GGCX: variants seen among roughly 807,000 people sequenced by gnomAD.
The protein encoded by GGCX is gamma-glutamyl carboxylase.
In GGCX, 63 loss-of-function variants were observed where a neutral mutation model predicts 88.5. The observed-to-expected ratio is 0.71, with a 90% confidence interval of 0.58 to 0.88. The LOEUF is 0.88. GGCX is among the 40% of genes least tolerant of loss of function. The pLI, the probability that GGCX is intolerant of heterozygous loss-of-function variation, is 0.00. For synonymous variants in GGCX, 368 were observed against 365.8 expected, an observed-to-expected ratio of 1.01 and a Z score of -0.07; for missense variants, 805 against 932.9, an observed-to-expected ratio of 0.86 and a Z score of 1.79.
chr2:85,552,111 T>C, intron 10 of GGCX, 130 bp from the exon 11 acceptor site: 2 of 779,962 alleles, frequency 2.6e-6, no homozygotes, highest in Non-Finnish European at 4.4e-6. Flanking sequence ...CAGCATGTTA[T>C]TGCCAGTCCA....
chr2:85,560,322 C>T (rs1370137233), intron 2 of GGCX, among the ~76,000 whole-genome samples: 1 of 152,156 alleles, frequency 6.6e-6, no homozygotes, highest in Non-Finnish European at 1.5e-5. Flanking sequence ...TACGGTGGCT[C>T]ACACCTGTAA....
chr2:85,551,987 G>C lies in GGCX; in HGVS notation c.1440-6C>G, dbSNP rs1378907440. On this transcript the variant is annotated splice_region_variant and splice_polypyrimidine_tract_variant and intron_variant, in intron 10 of 14. Transcript: ENST00000233838. ...CCACACGAGGGTCAAAAATCCTTAG[G>C]AAAGAAAACCATGTTCTAAGGACAT... 6.2e-7 allele frequency: 1 copy of C among 1,611,930 alleles called. No individual in the cohort carries two copies. The highest frequency in any genetic ancestry group is 8.5e-7 in the Non-Finnish European group (1 of 1,178,336).
In GGCX at chr2:85,553,012, G is replaced by A. The variant is rs1242455251; in HGVS notation, c.1214C>T (p.Ser405Phe). 7 of 1,613,940 alleles carry A rather than the reference G, an allele frequency of 4.3e-6. No homozygotes were observed. The highest frequency in any genetic ancestry group is 1.1e-5 in the South Asian group (1 of 91,092). The stretch of plus-strand genomic sequence containing the variant: ...GATCTTCACGTGCTGGTGGGAGCGG[G>A]AGTGCACCATCATGTCCCAGGAATA... Reference protein sequence around the residue: ...YGYSWDMMVHSRSHQHVKITY... With the variant: ...YGYSWDMMVHFRSHQHVKITY... Residue 405 changes from serine to phenylalanine, a missense_variant, in exon 9 of 15, where the codon TCC (serine) becomes TTC (phenylalanine). Physicochemically the swap from Ser to Phe is radical, Grantham distance 155. Transcript: ENST00000233838.
intron 7 of GGCX, 136 bp downstream of exon 7, chr2:85,554,007 C>T: frequency 2.6e-6 from 2 of 757,178 alleles, no homozygotes; most frequent in Non-Finnish European, 4.9e-6. Flanking sequence ...CCATTTATGC[C>T]TACTTCATAG....
Position 85,558,921 on chromosome 2 carries a change from A to G in GGCX, c.369T>C (p.Phe123=), listed in dbSNP as rs1227135397. Residue 123 remains phenylalanine (F), a synonymous_variant, in exon 3 of 15, where the codon TTT becomes TTC. Transcript: ENST00000233838. The stretch of plus-strand genomic sequence containing the variant: ...ATTTCCCACAGTTCCCCTCACCCAG[A>G]AACATGATGGTGTAGACAAGATACA... The part of the protein sequence containing the change: ...DWMYLVYTIM[F]LGALGMMLGL... The G allele has an allele frequency of 6.2e-7, 1 of 1,613,692 alleles. No individual in the cohort carries two copies. The highest frequency in any genetic ancestry group is 2.2e-5 in the East Asian group (1 of 44,888).
Position 85,545,744 on chromosome 2 carries a change from G to A in GGCX, c.*4190C>T, listed in dbSNP as rs369547539. 25 of 148,172 alleles carry A rather than the reference G, an allele frequency of 1.7e-4. 1 individual carries two copies. The highest frequency in any genetic ancestry group is 5.6e-4 in the African/African-American group (21 of 37,638). The allele number at this position is 148,172 out of a possible 1,614,324, so 9.2% of individuals were successfully genotyped here. ...CGCTAAAAGTATTAACCTGGAAGTGGTAATGTCTATCTAAAGTCCTGGCAA... is the reference window on the plus strand; with the variant it reads ...CGCTAAAAGTATTAACCTGGAAGTGATAATGTCTATCTAAAGTCCTGGCAA... On this transcript the variant is annotated 3_prime_UTR_variant, in exon 15 of 15. Coordinates refer to ENST00000233838, the MANE Select transcript of GGCX (RefSeq NM_000821.7).
chr2:85,556,215 C>T lies in GGCX; in HGVS notation c.585G>A (p.Val195=). Residue 195 remains valine (V), a synonymous_variant, in exon 5 of 15, where the codon GTG becomes GTA. Coordinates refer to ENST00000233838, the MANE Select transcript of GGCX (RefSeq NM_000821.7). ...LLNAHRRNAH[V]PLWNYAVLRG... is the part of the protein sequence containing the mutation. ...GGAGCACTGCATAGTTCCAAAGGGG[C>T]ACGTGGGCATTCCTCCTATGGGCAT... is the stretch of plus-strand genomic sequence containing the variant. The T allele has an allele frequency of 6.2e-7, 1 of 1,613,030 alleles. No homozygotes were observed. Among genetic ancestry groups the T allele is most frequent in the Non-Finnish European group, 8.5e-7 (1 of 1,179,000 alleles).
At chr2:85,556,354 G>T in intron 4 of GGCX, 94 bp from the exon 5 acceptor site, 1 of 799,246 alleles carries the variant, frequency 1.3e-6, no homozygotes, top group East Asian at 2.6e-5. Flanking sequence ...ATCTATCCTG[G>T]GCACATCTCC....
Position 85,548,338 on chromosome 2 carries a change from TAATAAAG to T in GGCX, c.*1589_*1595del, listed in dbSNP as rs917237316. On this transcript the variant is annotated 3_prime_UTR_variant, in exon 15 of 15. Transcript: ENST00000233838. ...GCTAAGGTACAGAGCTGCCATTCAA[TAATAAAG>T]AATAAGGAAGTCTGAGTTGGGGATG... The T allele has an allele frequency of 1.3e-5, 2 of 152,120 alleles. No individual in the cohort carries two copies. The highest frequency in any genetic ancestry group is 2.4e-5 in the African/African-American group (1 of 41,402). 9.4% of individuals were successfully genotyped at this position (152,120 alleles called of 1,614,324 possible).
In GGCX at chr2:85,554,183, C is replaced by G. The variant is rs149603998; in HGVS notation, c.849G>C (p.Val283=). The change falls in exon 7 of 15, where the codon GTG becomes GTC. Residue 283 remains valine, a synonymous_variant. Coordinates refer to ENST00000233838, the MANE Select transcript of GGCX (RefSeq NM_000821.7). ...GGGAATTCATGCAGTGGAAGTAGGA[C>G]ACAAAGAACAGGCCAATGGATCTTG... ...DVSRSIGLFF[V]SYFHCMNSQL... The G allele has an allele frequency of 1.9e-4, 308 of 1,613,176 alleles. 1 individual carries two copies. Among genetic ancestry groups the G allele is most frequent in the Middle Eastern group, 3.3e-4 (2 of 6,058 alleles).
In GGCX at chr2:85,561,493, T is replaced by C; in HGVS notation, c.-65A>G. 8.0e-7 allele frequency: 1 copy of C among 1,254,470 alleles called. No individual in the cohort carries two copies. Among genetic ancestry groups the C allele is most frequent in the Non-Finnish European group, 1.1e-6 (1 of 879,640 alleles). 77.7% of individuals were successfully genotyped at this position (1,254,470 alleles called of 1,614,324 possible). ...CTGAACGGAGGCCGCCAGGAGAATT[T>C]GCTTCCCTAGGCTCCGCCTCCCGAC... On this transcript the variant is annotated 5_prime_UTR_variant, in exon 1 of 15. Coordinates refer to ENST00000233838, the MANE Select transcript of GGCX (RefSeq NM_000821.7).
chr2:85,549,868 T>C lies in GGCX; in HGVS notation c.*66A>G, dbSNP rs1270592450. 4 of 956,128 alleles carry C rather than the reference T, an allele frequency of 4.2e-6. No individual in the cohort carries two copies. In the East Asian group the frequency reaches 1.2e-4, roughly 29 times the overall value. The allele number at this position is 956,128 out of a possible 1,614,324, so 59.2% of individuals were successfully genotyped here. On this transcript the variant is annotated 3_prime_UTR_variant, in exon 15 of 15. Coordinates refer to ENST00000233838, the MANE Select transcript of GGCX (RefSeq NM_000821.7). ...CTTTTGAGAATTTTTTTCAAATAAATGTCCATTGCATAGAATGGGTCTGTG... is the reference window on the plus strand; with the variant it reads ...CTTTTGAGAATTTTTTTCAAATAAACGTCCATTGCATAGAATGGGTCTGTG...
chr2:85,561,263 C>T (rs1692442754), intron 1 of GGCX, 123 bp downstream of exon 1: 3 of 671,876 alleles, frequency 4.5e-6, no homozygotes. Flanking sequence ...ACAGCACGCC[C>T]CCTTCCCCAC....
intron 6 of GGCX, chr2:85,554,591 A>G (rs1469159422): frequency 4.3e-6 from 2 of 463,296 alleles, no homozygotes; most frequent in East Asian, 4.2e-5. Flanking sequence ...TCAGCCTCCG[A>G]AGTAGCTGGA....
At position 85,550,965 on chromosome 2, in the gene GGCX, T is replaced by G. The variant is rs780909266; in HGVS notation, c.1848A>C (p.Ala616=). ...TTELALEQDL[A]YLQELKEKVE... is the part of the protein sequence containing the mutation. ...CCTTTTCCTTTAATTCTTGCAGATATGCCAGGTCTTGCTCCAGTGCAAGCT... is the reference window on the plus strand; with the variant it reads ...CCTTTTCCTTTAATTCTTGCAGATAGGCCAGGTCTTGCTCCAGTGCAAGCT... The change falls in exon 13 of 15, where the codon GCA becomes GCC. Residue 616 remains alanine, a synonymous_variant. Transcript: ENST00000233838. 2 of 1,614,148 alleles carry G rather than the reference T, an allele frequency of 1.2e-6. No individual in the cohort carries two copies. The highest frequency in any genetic ancestry group is 1.7e-6 in the Non-Finnish European group (2 of 1,179,960).
Position 85,561,487 on chromosome 2 carries a change from A to G in GGCX, c.-59T>C. ...CCGCGTCTGAACGGAGGCCGCCAGG[A>G]GAATTTGCTTCCCTAGGCTCCGCCT... On this transcript the variant is annotated 5_prime_UTR_variant, in exon 1 of 15. Coordinates refer to ENST00000233838, the MANE Select transcript of GGCX (RefSeq NM_000821.7). 2 of 1,307,294 alleles carry G rather than the reference A, an allele frequency of 1.5e-6. No individual in the cohort carries two copies. The highest frequency in any genetic ancestry group is 2.2e-6 in the Non-Finnish European group (2 of 927,362). 81.0% of individuals were successfully genotyped at this position (1,307,294 alleles called of 1,614,324 possible). A position where few individuals can be genotyped will look rare whatever the true frequency, so the allele number is the denominator to read the frequency against.
rs59419074 is a variant in GGCX at position 85,549,826 on chromosome 2, CA to C, written c.*107del. On this transcript the variant is annotated 3_prime_UTR_variant, in exon 15 of 15. Coordinates refer to ENST00000233838, the MANE Select transcript of GGCX (RefSeq NM_000821.7). The stretch of plus-strand genomic sequence containing the variant: ...AAACAGCTTTAGAACCCCGCCCCCC[CA>C]AAAAAAAAAAAAAAACTTTTGAGAA... The C allele has an allele frequency of 0.026, 12,140 of 469,910 alleles. 2 individuals carry two copies. Among genetic ancestry groups the C allele is most frequent in the South Asian group, 0.035 (1,864 of 53,432 alleles). The allele number at this position is 469,910 out of a possible 1,614,324, so 29.1% of individuals were successfully genotyped here. A position where few individuals can be genotyped will look rare whatever the true frequency, so the allele number is the denominator to read the frequency against.
chr2:85,550,505 C>T (rs2103951961), intron 14 of GGCX, 50 bp downstream of exon 14: 3 of 1,400,824 alleles, frequency 2.1e-6, no homozygotes, highest in Non-Finnish European at 3.0e-6. Context: ...GGGAAAGTTA[C>T]CAAGCTTGCC....
At chr2:85,550,436 G>C in intron 14 of GGCX, 119 bp downstream of exon 14, 1 of 774,602 alleles carries the variant, frequency 1.3e-6, no homozygotes, top group Non-Finnish European at 2.3e-6. Context: ...GGCAGGAAAA[G>C]ATACCTAGAG....
Sources: gnomAD v4.1 joint callset for allele counts (sites outside exome capture counted in the v4.1 genomes callset) on GRCh38, gnomAD v4.1.1 for gene constraint, MANE v1.5 for transcripts, NCBI Gene and HGNC (gene_info 2026-07-23, HGNC 2026-07-21) for gene names.